The following AK5 variants were observed in gnomAD, a reference collection of about 807,000 sequenced individuals.
AK5 encodes the protein adenylate kinase isoenzyme 5.
A neutral mutation model predicts 69.5 loss-of-function variants in AK5; 27 were observed. The ratio of observed to expected loss-of-function variants is 0.39; its 90% CI spans 0.29 to 0.54. The LOEUF is 0.54. AK5 is among the 20% of genes least tolerant of loss of function. The pLI is 0.71. For synonymous variants in AK5, 260 were observed against 244.4 expected (o/e 1.06, Z -0.60); for missense variants, 531 against 700.4 (o/e 0.76, Z 2.73).
chr1:77,318,698 T>G (rs1660369521), intron 5 of AK5, among the ~76,000 whole-genome samples: 1 of 151,926 alleles, frequency 6.6e-6, no homozygotes, highest in Admixed American at 6.6e-5. Flanking sequence ...CCTCACTGCT[T>G]GTCTCTCTTC....
chr1:77,289,862 CAAAAAAAAAAAAAA>C (rs55819317), intron 2 of AK5, among the ~76,000 whole-genome samples: 12 of 64,702 alleles, frequency 1.9e-4, no homozygotes, highest in Admixed American at 1.7e-3. Context: ...GACTCCGTCT[CAAAAAAAAAAAAAA>C]AAAAAAAAAA....
chr1:77,389,835 G>T (rs573566713), intron 6 of AK5, among the ~76,000 whole-genome samples: 1 of 152,026 alleles, frequency 6.6e-6, no homozygotes, highest in Non-Finnish European at 1.5e-5. Flanking sequence ...GGTGGTGAAT[G>T]CCTGTAGTTC....
intron 3 of AK5, among the ~76,000 whole-genome samples, chr1:77,295,791 G>A (rs1382591756): frequency 6.6e-6 from 1 of 152,078 alleles, no homozygotes; most frequent in Non-Finnish European, 1.5e-5. Flanking sequence ...TTGTATAAAA[G>A]AGCACAAATA....
intron 12 of AK5, among the ~76,000 whole-genome samples, chr1:77,533,508 C>A (rs1346905025): frequency 1.1e-4 from 5 of 46,068 alleles, no homozygotes; most frequent in African/African-American, 3.5e-4. Flanking sequence ...GACTCTGTCA[C>A]CAAAAAAAAA....
intron 12 of AK5, among the ~76,000 whole-genome samples, chr1:77,530,000 T>C (rs2100340096): frequency 6.6e-6 from 1 of 152,340 alleles, no homozygotes; most frequent in African/African-American, 2.4e-5. Flanking sequence ...GCCTTACTAC[T>C]CTCAACTATC....
intron 6 of AK5, among the ~76,000 whole-genome samples, chr1:77,374,540 A>C (rs1647189084): frequency 6.6e-6 from 1 of 151,984 alleles, no homozygotes; most frequent in African/African-American, 2.4e-5. Context: ...CTTTGTTTTA[A>C]AGAAAGAGTA....
intron 13 of AK5, among the ~76,000 whole-genome samples, chr1:77,550,563 A>C (rs990875951): frequency 6.6e-6 from 1 of 152,258 alleles, no homozygotes; most frequent in African/African-American, 2.4e-5. Context: ...TTTGCTAAGG[A>C]CATTAAACAC....
At chr1:77,295,962 C>T (rs1268375787) in intron 3 of AK5, among the ~76,000 whole-genome samples, 3 of 152,102 alleles carry the variant, frequency 2.0e-5, no homozygotes, top group Non-Finnish European at 2.9e-5. Context: ...TTGTTATAGG[C>T]TTACATGCTG....
At chr1:77,554,405 G>T (rs1659969111) in intron 13 of AK5, among the ~76,000 whole-genome samples, 1 of 152,126 alleles carries the variant, frequency 6.6e-6, no homozygotes, top group South Asian at 2.1e-4. Flanking sequence ...AGAACATCCA[G>T]GCTGGAACCA....
chr1:77,383,810 C>T (rs949173749), intron 6 of AK5, among the ~76,000 whole-genome samples: 1 of 151,818 alleles, frequency 6.6e-6, no homozygotes, highest in East Asian at 1.9e-4. Context: ...GAGTAGCTAT[C>T]AACATTAAGA....
chr1:77,355,478 G>A (rs1662463329), intron 6 of AK5, among the ~76,000 whole-genome samples: 2 of 152,074 alleles, frequency 1.3e-5, no homozygotes, highest in South Asian at 4.1e-4. Context: ...ACTTGTAGTT[G>A]TTCAAAATGG....
At chr1:77,457,304 G>C (rs370596531) in intron 8 of AK5, among the ~76,000 whole-genome samples, 1 of 152,114 alleles carries the variant, frequency 6.6e-6, no homozygotes, top group African/African-American at 2.4e-5. Flanking sequence ...CCTCGGGCTT[G>C]GGACATTTTA....
intron 5 of AK5, among the ~76,000 whole-genome samples, chr1:77,299,145 G>T (rs1400489191): frequency 6.6e-6 from 1 of 151,854 alleles, no homozygotes; most frequent in Non-Finnish European, 1.5e-5. Flanking sequence ...AACCAGATAC[G>T]ATTCATGTTT....
At chr1:77,361,824 A>G (rs1028902612) in intron 6 of AK5, among the ~76,000 whole-genome samples, 2 of 152,150 alleles carry the variant, frequency 1.3e-5, no homozygotes, top group Admixed American at 6.5e-5. Flanking sequence ...AGCGCAGGAA[A>G]GACATCCTCA....
At chr1:77,337,320 A>G (rs1030304627) in intron 5 of AK5, among the ~76,000 whole-genome samples, 2 of 152,338 alleles carry the variant, frequency 1.3e-5, no homozygotes, top group Admixed American at 6.5e-5. Flanking sequence ...ACATTAACAG[A>G]CTAAAATAAA....
intron 6 of AK5, chr1:77,371,547 C>T (rs946765509): frequency 5.9e-5 from 9 of 152,046 alleles, no homozygotes; most frequent in Admixed American, 2.6e-4. Context: ...GGCATTTAAT[C>T]GTTCACTTGA....
chr1:77,450,385 A>G (rs141175649), intron 8 of AK5, among the ~76,000 whole-genome samples: 106 of 152,274 alleles, frequency 7.0e-4, no homozygotes, highest in African/African-American at 2.3e-3. Flanking sequence ...CTGTTTTCAC[A>G]CTGCTCATAA....
chr1:77,409,051 A>G (rs1649855534), intron 6 of AK5, among the ~76,000 whole-genome samples: 1 of 152,200 alleles, frequency 6.6e-6, no homozygotes, highest in African/African-American at 2.4e-5. Flanking sequence ...TGTAAGGACA[A>G]TGACCTCCAG....
intron 13 of AK5, among the ~76,000 whole-genome samples, chr1:77,553,380 G>C (rs1053731677): frequency 1.3e-5 from 2 of 152,168 alleles, no homozygotes; most frequent in Non-Finnish European, 2.9e-5. Flanking sequence ...AACACAGTTG[G>C]GTTTGTACAG....
Sources: allele counts gnomAD v4.1 joint callset (sites outside exome capture counted in the v4.1 genomes callset), GRCh38; gene constraint gnomAD v4.1.1; transcripts MANE v1.5; gene names NCBI Gene and HGNC (gene_info 2026-07-23, HGNC 2026-07-21).